Variants in CRIM1 observed in about 807,000 individuals in gnomAD.
CRIM1 encodes the protein cysteine rich transmembrane BMP regulator 1.
In CRIM1, 32 loss-of-function variants were observed where a neutral mutation model predicts 116.4. The observed-to-expected ratio is 0.27, with a 90% CI of 0.21 to 0.37. The LOEUF (loss-of-function observed/expected upper bound fraction) is 0.37, where lower values mean the gene tolerates loss of function less well. Among genes scored for constraint, CRIM1 ranks in the 10% least tolerant of loss-of-function variants. CRIM1 has a pLI of 1.00. For missense variants in CRIM1, 1,331 were observed against 1,354.8 expected (o/e 0.98, Z 0.28); for synonymous variants, 590 against 509.2 (o/e 1.16, Z -2.13).
chr2:36,382,337 A>C (rs1670843767), intron 1 of CRIM1, among the ~76,000 whole-genome samples: 1 of 152,244 alleles, frequency 6.6e-6, no homozygotes, highest in African/African-American at 2.4e-5. Context: ...TTAAGTGGAA[A>C]GCGATCCTAA....
At chr2:36,452,544 C>T (rs1431885883) in intron 4 of CRIM1, among the ~76,000 whole-genome samples, 1 of 152,120 alleles carries the variant, frequency 6.6e-6, no homozygotes, top group African/African-American at 2.4e-5. Context: ...TTGGACCTAT[C>T]CCCAGATTGA....
At chr2:36,383,109 A>T (rs1351795240) in intron 1 of CRIM1, among the ~76,000 whole-genome samples, 1 of 152,240 alleles carries the variant, frequency 6.6e-6, no homozygotes, top group Non-Finnish European at 1.5e-5. Flanking sequence ...TGACAGAATT[A>T]TGATCTTGAA....
At chr2:36,381,381 C>G (rs974159139) in intron 1 of CRIM1, among the ~76,000 whole-genome samples, 1 of 152,214 alleles carries the variant, frequency 6.6e-6, no homozygotes, top group African/African-American at 2.4e-5. Context: ...CAGGTTTCCT[C>G]AGACCAGGCC....
At chr2:36,431,847 A>C (rs529739633) in intron 2 of CRIM1, among the ~76,000 whole-genome samples, 71 of 152,310 alleles carry the variant, frequency 4.7e-4, no homozygotes, top group Non-Finnish European at 5.9e-4. Flanking sequence ...ACTCTGACAT[A>C]TTTAAAATCT....
At chr2:36,404,882 G>C (rs923042010) in intron 2 of CRIM1, among the ~76,000 whole-genome samples, 2 of 151,992 alleles carry the variant, frequency 1.3e-5, no homozygotes, top group Non-Finnish European at 2.9e-5. Flanking sequence ...TGCTACCTAA[G>C]GAAATGGTAA....
At position 36,548,808 on chromosome 2, in the gene CRIM1, A is replaced by C; in HGVS notation, c.*107A>C. The C allele has an allele frequency of 1.1e-6, 1 of 918,824 alleles. No individual in the cohort carries two copies. The highest frequency in any genetic ancestry group is 1.6e-6 in the Non-Finnish European group (1 of 608,102). 56.9% of individuals were successfully genotyped at this position (918,824 alleles called of 1,614,324 possible). ...GCTTAGTGGATTGTATTGGATTGTG[A>C]CTTGATGTACAGCGCTAAGACCTTA... On this transcript the variant is annotated 3_prime_UTR_variant, in exon 17 of 17. Transcript: ENST00000280527.
chr2:36,424,158 C>G (rs1366525424), intron 2 of CRIM1, among the ~76,000 whole-genome samples: 1 of 152,098 alleles, frequency 6.6e-6, no homozygotes, highest in African/African-American at 2.4e-5. Context: ...ATGGATTACC[C>G]TGATATAAGT....
chr2:36,525,980 C>G (rs1483461740), intron 13 of CRIM1, among the ~76,000 whole-genome samples: 1 of 152,028 alleles, frequency 6.6e-6, no homozygotes, highest in Non-Finnish European at 1.5e-5. Context: ...TTTTGATGTT[C>G]GAGGGCCTCA....
At position 36,356,570 on chromosome 2, in the gene CRIM1, GC is replaced by G; in HGVS notation, c.284del (p.Pro95ArgfsTer41). 6.2e-7 allele frequency: 1 copy of G among 1,612,102 alleles called. No individual in the cohort carries two copies. The highest frequency in any genetic ancestry group is 1.1e-5 in the South Asian group (1 of 91,060). ...GACCGGGGGCTGCGTTGTGTCATCCGCCCCCCGCTCAATGGCGACTCCCTCA... is the reference window on the plus strand; with the variant it reads ...GACCGGGGGCTGCGTTGTGTCATCCGCCCCCGCTCAATGGCGACTCCCTCA... The part of the protein sequence containing the change: ...TCDRGLRCVI[R>X]PPLNGDSLTE... On this transcript the variant is annotated frameshift_variant, in exon 1 of 17. Coordinates refer to ENST00000280527, the MANE Select transcript of CRIM1 (RefSeq NM_016441.3). LOFTEE classifies it high-confidence loss of function. The surrounding 1 kb of genome is among the most constrained non-coding windows in gnomAD (Gnocchi z 4.3).
intron 7 of CRIM1, among the ~76,000 whole-genome samples, chr2:36,491,602 GT>G (rs1558364392): frequency 6.6e-6 from 1 of 152,088 alleles, no homozygotes; most frequent in East Asian, 1.9e-4. Flanking sequence ...TCGTTTTCCC[GT>G]TTTGTTCATT....
chr2:36,450,781 A>C (rs1405233997), intron 4 of CRIM1, among the ~76,000 whole-genome samples: 3 of 152,194 alleles, frequency 2.0e-5, no homozygotes, highest in Non-Finnish European at 4.4e-5. Flanking sequence ...ATAACATCTA[A>C]ATATTTGCAC....
intron 2 of CRIM1, among the ~76,000 whole-genome samples, chr2:36,419,190 A>T (rs1004313326): frequency 7.9e-5 from 12 of 152,210 alleles, no homozygotes; most frequent in African/African-American, 2.9e-4. Context: ...TTAAGGTTCT[A>T]GTCATAAAGG....
chr2:36,374,705 C>T (rs1158671289), intron 1 of CRIM1, among the ~76,000 whole-genome samples: 4 of 152,104 alleles, frequency 2.6e-5, no homozygotes, highest in African/African-American at 9.7e-5. Flanking sequence ...AAGAGAAAAT[C>T]CTATGTAGTC....
At chr2:36,535,757 T>G (rs1666501579) in intron 13 of CRIM1, among the ~76,000 whole-genome samples, 1 of 152,228 alleles carries the variant, frequency 6.6e-6, no homozygotes, top group Admixed American at 6.5e-5. Flanking sequence ...TGCATATGCT[T>G]GAGTATTGTC....
chr2:36,498,837 G>A (rs1469087967), intron 7 of CRIM1, among the ~76,000 whole-genome samples: 3 of 152,208 alleles, frequency 2.0e-5, no homozygotes, highest in Non-Finnish European at 2.9e-5. Context: ...GTTGACAGCT[G>A]TATCCTGATT....
chr2:36,487,577 G>A (rs1314589650), intron 7 of CRIM1, among the ~76,000 whole-genome samples: 1 of 149,550 alleles, frequency 6.7e-6, no homozygotes, highest in Non-Finnish European at 1.5e-5. Context: ...AAAAAAAGGT[G>A]GCCGATCTAG....
At chr2:36,384,324 C>T (rs549466271) in intron 1 of CRIM1, among the ~76,000 whole-genome samples, 1 of 152,316 alleles carries the variant, frequency 6.6e-6, no homozygotes, top group Middle Eastern at 3.4e-3. Context: ...GGGCTAGGCA[C>T]AGGCCTCATT....
intron 7 of CRIM1, among the ~76,000 whole-genome samples, chr2:36,489,808 G>A (rs1381455835): frequency 6.6e-6 from 1 of 152,164 alleles, no homozygotes; most frequent in Non-Finnish European, 1.5e-5. Flanking sequence ...TCATGAGAGA[G>A]GAAGAACAGG....
intron 7 of CRIM1, 29 bp downstream of exon 7, chr2:36,479,723 T>G: frequency 6.3e-7 from 1 of 1,597,658 alleles, no homozygotes; most frequent in Non-Finnish European, 8.6e-7. Flanking sequence ...AATGAGTCCC[T>G]GGTGAATGTC....
Sources: gnomAD v4.1 joint callset for allele counts (sites outside exome capture counted in the v4.1 genomes callset) on GRCh38, gnomAD v4.1.1 for gene constraint, Gnocchi (gnomAD v3.1) non-coding constraint, MANE v1.5 for transcripts, NCBI Gene and HGNC (gene_info 2026-07-23, HGNC 2026-07-21) for gene names.